KCNAB1: variants seen among roughly 807,000 people sequenced by gnomAD.
KCNAB1 encodes the protein voltage-gated potassium channel subunit beta-1.
KCNAB1 carries 35 observed loss-of-function variants against 64.6 expected under a neutral mutation model. The observed-to-expected ratio is 0.54, with a 90% CI of 0.41 to 0.72. The LOEUF is 0.72. Among genes scored for constraint, KCNAB1 ranks in the 30% least tolerant of loss-of-function variants. The probability of loss-of-function intolerance (pLI) is 0.00; values close to 1 mark genes in which losing one functional copy is unlikely to be tolerated. For missense variants in KCNAB1, 401 were observed against 512.9 expected (o/e 0.78, Z 2.11); for synonymous variants, 177 against 183.8 (o/e 0.96, Z 0.30).
intron 1 of KCNAB1, among the ~76,000 whole-genome samples, chr3:156,164,222 G>C (rs955640928): frequency 2.6e-5 from 4 of 152,176 alleles, no homozygotes; most frequent in African/African-American, 7.2e-5. Context: ...AAGAGAGGCA[G>C]AAAATGTAAG....
intron 1 of KCNAB1, among the ~76,000 whole-genome samples, chr3:156,409,925 A>G (rs1714524582): frequency 6.6e-6 from 1 of 152,246 alleles, no homozygotes; most frequent in African/African-American, 2.4e-5. Flanking sequence ...GGCCAACTGT[A>G]TTCAATGTTA....
chr3:156,469,248 C>CTTTTTTTTTTTTTT (rs34567814), intron 7 of KCNAB1, among the ~76,000 whole-genome samples: 4 of 72,954 alleles, frequency 5.5e-5, no homozygotes, highest in African/African-American at 1.1e-4. Flanking sequence ...TTCTTTCTTT[C>CTTTTTTTTTTTTTT]TTTTTTTTTT....
chr3:156,184,439 G>T (rs1713063109), intron 1 of KCNAB1, among the ~76,000 whole-genome samples: 2 of 152,180 alleles, frequency 1.3e-5, no homozygotes, highest in Non-Finnish European at 2.9e-5. Context: ...AGAGCTCTCA[G>T]GGCTGGGAGG....
chr3:156,450,303 T>C (rs1456791654), intron 2 of KCNAB1, among the ~76,000 whole-genome samples: 2 of 152,192 alleles, frequency 1.3e-5, no homozygotes, highest in South Asian at 2.1e-4. Context: ...TGAGACCTTT[T>C]TCATAACACA....
Position 156,166,731 on chromosome 3 carries a change from G to A in KCNAB1, c.275+45845G>A, listed in dbSNP as rs969911198. Among the ~76,000 whole-genome samples the A allele has an allele frequency of 2.4e-4, 36 of 152,120 alleles. 1 individual carries two copies. Among genetic ancestry groups the A allele is most frequent in the African/African-American group, 8.0e-4 (33 of 41,398 alleles). ...TTGCACTATTGTACAGACTGTTTCA[G>A]CTAAATGTCTAATGGAATTGGTAGA... On this transcript the variant is annotated intron_variant, in intron 1 of 13. Transcript: ENST00000490337.
At chr3:156,408,823 T>A (rs1455204515) in intron 1 of KCNAB1, among the ~76,000 whole-genome samples, 1 of 151,970 alleles carries the variant, frequency 6.6e-6, no homozygotes, top group Non-Finnish European at 1.5e-5. Context: ...TGAGTTCAGG[T>A]ATAGGCAAAA....
intron 1 of KCNAB1, among the ~76,000 whole-genome samples, chr3:156,241,033 C>G (rs1316805809): frequency 2.0e-5 from 3 of 152,232 alleles, no homozygotes; most frequent in African/African-American, 7.2e-5. Context: ...CAGTTTCTAT[C>G]AGCCACTTAC....
intron 1 of KCNAB1, among the ~76,000 whole-genome samples, chr3:156,315,777 T>A (rs1253437112): frequency 6.6e-6 from 1 of 152,234 alleles, no homozygotes; most frequent in Non-Finnish European, 1.5e-5. Context: ...ATATGTCTTG[T>A]TACACAGAGA....
At chr3:156,286,276 T>C (rs1720095297) in intron 1 of KCNAB1, among the ~76,000 whole-genome samples, 2 of 152,262 alleles carry the variant, frequency 1.3e-5, no homozygotes, top group African/African-American at 4.8e-5. Context: ...TTCAAACCCA[T>C]GTTTTAAGAA....
chr3:156,269,014 C>T (rs1718880877), intron 1 of KCNAB1, among the ~76,000 whole-genome samples: 1 of 152,116 alleles, frequency 6.6e-6, no homozygotes, highest in Non-Finnish European at 1.5e-5. Flanking sequence ...AGTCTTTAAT[C>T]CATTTTGATT....
intron 1 of KCNAB1, 58 bp downstream of exon 1, chr3:156,120,944 G>C (rs1294605662): frequency 1.9e-6 from 3 of 1,580,358 alleles, no homozygotes; most frequent in Non-Finnish European, 1.7e-6. Context: ...GTGCTCTGGA[G>C]AATGCTTTGA....
rs58080148 is a variant in KCNAB1, at chr3:156,419,510, G to GA, written c.276-2091dup. Among the ~76,000 whole-genome samples, 798 of 97,510 alleles carry GA rather than the reference G, an allele frequency of 8.2e-3. 5 individuals carry two copies. The highest frequency in any genetic ancestry group is 8.8e-3 in the Non-Finnish European group (428 of 48,562). 64.0% of individuals were successfully genotyped at this position (97,510 alleles called of 152,430 possible). A position where few individuals can be genotyped will look rare whatever the true frequency, so the allele number is the denominator to read the frequency against. ...AGCGAGACTCCGTCTCAAAAAAAAA[G>GA]AAAAAAAAAAAAAAAGAAAGAAAAG... On this transcript the variant is annotated intron_variant, in intron 1 of 13. Transcript: ENST00000490337.
At chr3:156,363,374 G>A (rs1725733191) in intron 1 of KCNAB1, among the ~76,000 whole-genome samples, 1 of 152,058 alleles carries the variant, frequency 6.6e-6, no homozygotes, top group Non-Finnish European at 1.5e-5. Context: ...TTTTAATTGA[G>A]CATTTATCGT....
At chr3:156,223,054 C>T (rs901540547) in intron 1 of KCNAB1, among the ~76,000 whole-genome samples, 6 of 152,184 alleles carry the variant, frequency 3.9e-5, no homozygotes, top group African/African-American at 4.8e-5. Flanking sequence ...AATGAAGCCA[C>T]GGACCCTCAC....
chr3:156,180,359 G>A (rs1712723399), intron 1 of KCNAB1, among the ~76,000 whole-genome samples: 1 of 152,202 alleles, frequency 6.6e-6, no homozygotes, highest in South Asian at 2.1e-4. Flanking sequence ...GTGCCATACT[G>A]ACTAGTTGTG....
At chr3:156,223,083 T>C (rs1715887700) in intron 1 of KCNAB1, among the ~76,000 whole-genome samples, 1 of 152,220 alleles carries the variant, frequency 6.6e-6, no homozygotes, top group African/African-American at 2.4e-5. Context: ...TTACAGTTCT[T>C]AAAGGCAGTG....
At position 156,125,262 on chromosome 3, in the gene KCNAB1, T is replaced by A. The variant is rs139418847; in HGVS notation, c.275+4376T>A. Reference sequence around the variant, plus strand: ...GATATAACCCATACTGTACACGGTGTATTTAAGGCCTATGAAGAAAATTAA... The same window carrying A: ...GATATAACCCATACTGTACACGGTGAATTTAAGGCCTATGAAGAAAATTAA... On this transcript the variant is annotated intron_variant, in intron 1 of 13. Transcript: ENST00000490337. Among the ~76,000 whole-genome samples, 1,372 of 152,260 alleles carry A rather than the reference T, an allele frequency of 9.0e-3. 30 individuals are homozygous for A. Among genetic ancestry groups the A allele is most frequent in the African/African-American group, 0.032 (1,321 of 41,538 alleles).
At chr3:156,384,406 C>G (rs1712413313) in intron 1 of KCNAB1, among the ~76,000 whole-genome samples, 1 of 152,222 alleles carries the variant, frequency 6.6e-6, no homozygotes, top group African/African-American at 2.4e-5. Context: ...CCGATTTTCC[C>G]TTTCTTCATC....
chr3:156,195,047 G>C (rs62286172), intron 1 of KCNAB1, among the ~76,000 whole-genome samples: 7,432 of 152,126 alleles, frequency 0.049, 207 homozygotes, highest in East Asian at 0.093. Flanking sequence ...TTGGTTTTCT[G>C]TTCCTGTGTT....
Sources: allele counts gnomAD v4.1 joint callset (sites outside exome capture counted in the v4.1 genomes callset), GRCh38; gene constraint gnomAD v4.1.1; transcripts MANE v1.5; gene names NCBI Gene and HGNC (gene_info 2026-07-23, HGNC 2026-07-21).